The following ZNF512B variants were observed in gnomAD, a reference collection of about 807,000 sequenced individuals.
ZNF512B encodes the protein zinc finger protein 512B.
In ZNF512B, 22 loss-of-function variants were observed where a neutral mutation model predicts 87.8. The observed-to-expected ratio is 0.25, with a 90% CI of 0.18 to 0.36. The LOEUF is 0.36. Among genes scored for constraint, ZNF512B ranks in the 10% least tolerant of loss-of-function variants. The pLI is 1.00. For synonymous variants in ZNF512B, 524 were observed against 490.9 expected, an observed-to-expected ratio of 1.07 and a Z score of -0.89; for missense variants, 1,060 against 1,231.6, an observed-to-expected ratio of 0.86 and a Z score of 2.09.
Position 63,958,020 on chromosome 20 carries a change from G to A in ZNF512B, c.*1868C>T, listed in dbSNP as rs2058793404. On this transcript the variant is annotated 3_prime_UTR_variant, in exon 17 of 17. Transcript: ENST00000369888. The stretch of plus-strand genomic sequence containing the variant: ...CTCTCATCAGGCCGAGGTGTGCGTG[G>A]GTGGGGGGAGTCCGGGTCTCCACAC... 2.0e-5 allele frequency: 3 copies of A among 152,230 alleles called. No homozygotes were observed. In the South Asian group the frequency reaches 6.2e-4, roughly 32 times the overall value. The allele number at this position is 152,230 out of a possible 1,614,324, so 9.4% of individuals were successfully genotyped here. A position where few individuals can be genotyped will look rare whatever the true frequency, so the allele number is the denominator to read the frequency against.
intron 2 of ZNF512B, 121 bp from the exon 3 acceptor site, chr20:63,967,644 G>A: frequency 6.7e-7 from 1 of 1,482,996 alleles, no homozygotes; most frequent in Non-Finnish European, 9.0e-7. Flanking sequence ...AGGGGCTGCG[G>A]CCAGCTGAGG....
intron 12 of ZNF512B, 109 bp from the exon 13 acceptor site, chr20:63,962,890 G>A: frequency 7.6e-7 from 1 of 1,307,752 alleles, no homozygotes; most frequent in Non-Finnish European, 1.0e-6. Context: ...CTCCCAGTGT[G>A]CTGGGGACAT....
rs571720484 is a variant in ZNF512B, at chr20:63,964,507, G to A, written c.1244C>T (p.Pro415Leu). The A allele has an allele frequency of 8.1e-6, 13 of 1,612,792 alleles. No individual in the cohort carries two copies. The highest frequency in any genetic ancestry group is 3.3e-5 in the Admixed American group (2 of 60,010). Residue 415 changes from proline to leucine, a missense_variant, in exon 6 of 17, where the codon CCG becomes CTG. Physicochemically the swap from Pro to Leu is moderately conservative, Grantham distance 98. This residue lies in a region of ZNF512B where 212 missense variants were observed against 207.6 expected (regional missense o/e 1.02). Transcript: ENST00000369888. ...CATCTTACTGTGCTTTGTGCGCTCC[G>A]GGTCCTCCTCAGGCGGGGACGCAGG... ...AGPASPPEED[P>L]ERTKHRRKQK...
intron 9 of ZNF512B, 23 bp downstream of exon 9, chr20:63,963,766 G>GCGCCTTC (rs752785418): frequency 5.0e-6 from 8 of 1,613,074 alleles, no homozygotes; most frequent in Non-Finnish European, 5.9e-6. Context: ...CTCCCTCCCA[G>GCGCCTTC]CGCCTTCCGG....
chr20:63,966,800 G>A lies in ZNF512B; in HGVS notation c.394-19C>T. 6.2e-7 allele frequency: 1 copy of A among 1,603,064 alleles called. No homozygotes were observed. Among genetic ancestry groups the A allele is most frequent in the Non-Finnish European group, 8.5e-7 (1 of 1,174,514 alleles). The stretch of plus-strand genomic sequence containing the variant: ...TGGCACCCTGGGCAGGGAAGGGAAG[G>A]TTTGGGACAGGGCCCCAAGGGCCTC... On this transcript the variant is annotated intron_variant, in intron 4 of 16. Transcript: ENST00000369888.
At position 63,967,476 on chromosome 20, in the gene ZNF512B, G is replaced by C; in HGVS notation, c.169C>G (p.Leu57Val). 6.2e-7 allele frequency: 1 copy of C among 1,612,516 alleles called. No individual in the cohort carries two copies. Among genetic ancestry groups the C allele is most frequent in the Non-Finnish European group, 8.5e-7 (1 of 1,179,372 alleles). ...GGQTVPGQAP[L>V]CFDPGSPASD... is the part of the protein sequence containing the mutation. Reference sequence around the variant, plus strand: ...GCTGGACTTCCCGGGTCAAAGCAGAGAGGGGCCTGGCCGGGCACTGTCTGT... The same window carrying C: ...GCTGGACTTCCCGGGTCAAAGCAGACAGGGGCCTGGCCGGGCACTGTCTGT... Residue 57 changes from leucine (L) to valine (V), a missense_variant, in exon 3 of 17, where the codon CTC (leucine) becomes GTC (valine). Leu to Val is a conservative substitution (Grantham distance 32). Transcript: ENST00000369888.
intron 10 of ZNF512B, 37 bp from the exon 11 acceptor site, chr20:63,963,477 C>T (rs760506883): frequency 9.7e-6 from 15 of 1,544,878 alleles, no homozygotes; most frequent in African/African-American, 2.7e-5. Flanking sequence ...CCGGCACCAT[C>T]GCCACGGAGC....
rs914354114 is a variant in ZNF512B, at chr20:63,958,117, AG to A, written c.*1770del. 7 of 152,152 alleles carry A rather than the reference AG, an allele frequency of 4.6e-5. No homozygotes were observed. The highest frequency in any genetic ancestry group is 1.7e-4 in the African/African-American group (7 of 41,374). 9.4% of individuals were successfully genotyped at this position (152,152 alleles called of 1,614,324 possible). The stretch of plus-strand genomic sequence containing the variant: ...CTGGCCCAAGGATGAAGCCAGAGAC[AG>A]GAAGTGTTCTGCAACCCCAGTCCCC... On this transcript the variant is annotated 3_prime_UTR_variant, in exon 17 of 17. Coordinates refer to ENST00000369888, the MANE Select transcript of ZNF512B (RefSeq NM_020713.3).
chr20:63,961,846 G>T lies in ZNF512B; in HGVS notation c.2328+96C>A. The T allele has an allele frequency of 7.7e-7, 1 of 1,295,348 alleles. No individual in the cohort carries two copies. Among genetic ancestry groups the T allele is most frequent in the Non-Finnish European group, 1.1e-6 (1 of 920,660 alleles). 80.2% of individuals were successfully genotyped at this position (1,295,348 alleles called of 1,614,324 possible). A position where few individuals can be genotyped will look rare whatever the true frequency, so the allele number is the denominator to read the frequency against. On this transcript the variant is annotated intron_variant, in intron 15 of 16. Transcript: ENST00000369888. This position sits in a 1 kb window ranked among gnomAD's most constrained non-coding sequence, Gnocchi z 6.4. ...CCACGTAGAAAAAGTAGGGGACAAG[G>T]CAGGGTCCCTCACTACTGTGTGGGA...
Position 63,964,163 on chromosome 20 carries a change from C to T in ZNF512B, c.1388G>A (p.Gly463Glu), listed in dbSNP as rs771430268. 3.1e-6 allele frequency: 5 copies of T among 1,601,500 alleles called. No individual in the cohort carries two copies. In the South Asian group the frequency reaches 4.5e-5, roughly 14 times the overall value. ...CTTCCGGGCGTCCTCAGGGCCTGGC[C>T]CCTCCTGCTTCTTGGAGCGGTGAAC... Reference protein sequence around the residue: ...ARVHRSKKQEGPGPEDARKKV... With the variant: ...ARVHRSKKQEEPGPEDARKKV... Residue 463 changes from glycine (G) to glutamate (E), a missense_variant, in exon 8 of 17, where the codon GGG becomes GAG. Transcript: ENST00000369888.
rs1043209985 is a variant in ZNF512B, at chr20:63,957,702, A to G, written c.*2186T>C. ...AACCAGACCCTCTTCTCTTCTCCCC[A>G]AGGGCCAAGTACCTGAGAGGCTGGG... is the stretch of plus-strand genomic sequence containing the variant. On this transcript the variant is annotated 3_prime_UTR_variant, in exon 17 of 17. Transcript: ENST00000369888. The G allele has an allele frequency of 6.6e-6, 1 of 152,542 alleles. No homozygotes were observed. The highest frequency in any genetic ancestry group is 2.4e-5 in the African/African-American group (1 of 41,402). The allele number at this position is 152,542 out of a possible 1,614,324, so 9.4% of individuals were successfully genotyped here.
chr20:63,963,013 A>T, intron 12 of ZNF512B, 82 bp downstream of exon 12: 1 of 1,448,494 alleles, frequency 6.9e-7, no homozygotes, highest in Non-Finnish European at 9.1e-7. Flanking sequence ...TACATGGACA[A>T]ATACAGTTGG....
chr20:63,966,448 T>C lies in ZNF512B; in HGVS notation c.727A>G (p.Ser243Gly), dbSNP rs759739119. 2 of 1,613,914 alleles carry C rather than the reference T, an allele frequency of 1.2e-6. No homozygotes were observed. Among genetic ancestry groups the C allele is most frequent in the East Asian group, 4.5e-5 (2 of 44,894 alleles). The change falls in exon 5 of 17, where the codon AGC (serine) becomes GGC (glycine). Residue 243 changes from serine (S) to glycine (G), a missense_variant. By Grantham distance (56) the Ser-to-Gly change is moderately conservative (BLOSUM62 0). This residue lies in a region of ZNF512B where 201 missense variants were observed against 226.8 expected (regional missense o/e 0.89). Transcript: ENST00000369888. Reference protein sequence around the residue: ...PVPVTKPVTVSRPMPVTKAMP... With the variant: ...PVPVTKPVTVGRPMPVTKAMP... The stretch of plus-strand genomic sequence containing the variant: ...GCCTTGGTGACGGGCATGGGCCTGC[T>C]GACTGTGACAGGTTTGGTGACTGGC...
Position 63,963,837 on chromosome 20 carries a change from G to A in ZNF512B, c.1557C>T (p.Thr519=), listed in dbSNP as rs2058887539. The change falls in exon 9 of 17, where the codon ACC becomes ACT. Residue 519 remains threonine (T), a synonymous_variant. Coordinates refer to ENST00000369888, the MANE Select transcript of ZNF512B (RefSeq NM_020713.3). ...EAVCPTCNVV[T]RKTLVGLKKH... is the part of the protein sequence containing the mutation. ...TCTTAAGCCCCACGAGAGTCTTCCG[G>A]GTGACCACGTTGCAGGTGGGGCAGA... is the stretch of plus-strand genomic sequence containing the variant. 13 of 1,612,736 alleles carry A rather than the reference G, an allele frequency of 8.1e-6. No individual in the cohort carries two copies. Among genetic ancestry groups the A allele is most frequent in the Non-Finnish European group, 1.1e-5 (13 of 1,180,018 alleles).
In ZNF512B at chr20:63,963,236, C is replaced by T; in HGVS notation, c.1827G>A (p.Met609Ile). 1 of 1,548,136 alleles carries T rather than the reference C, an allele frequency of 6.5e-7. No individual in the cohort carries two copies. The change falls in exon 12 of 17, where the codon ATG (methionine) becomes ATA (isoleucine). Residue 609 changes from methionine (M) to isoleucine (I), a missense_variant. Around this residue, in one of 9 missense-constraint regions of ZNF512B, gnomAD observed 165 missense variants for 173.0 expected, o/e 0.95. Transcript: ENST00000369888. The stretch of plus-strand genomic sequence containing the variant: ...AGCGCCGCTGGTGGTACTGGTAGCC[C>T]ATGAGGCTGGAGAAGGCAGCCCCGC... The part of the protein sequence containing the change: ...EGCGAAFSSL[M>I]GYQYHQRRCG...
intron 3 of ZNF512B, 61 bp downstream of exon 3, chr20:63,967,320 G>C (rs1173284214): frequency 2.0e-6 from 3 of 1,535,880 alleles, no homozygotes; most frequent in Admixed American, 4.0e-5. Context: ...AATCAGGGCA[G>C]GGCAGTGGCT....
Position 63,966,129 on chromosome 20 carries a change from G to A in ZNF512B, c.1034+12C>T, listed in dbSNP as rs373982925. Reference sequence around the variant, plus strand: ...CCACTGTTCCTCCCCGACCTGGGACGAGCCCCCATACCTTTTCTTACCACT... The same window carrying A: ...CCACTGTTCCTCCCCGACCTGGGACAAGCCCCCATACCTTTTCTTACCACT... On this transcript the variant is annotated intron_variant, in intron 5 of 16. Transcript: ENST00000369888. The A allele has an allele frequency of 1.2e-4, 186 of 1,579,192 alleles. 4 individuals are homozygous for A. The highest frequency in any genetic ancestry group is 4.1e-4 in the Admixed American group (24 of 58,842).
In ZNF512B at chr20:63,966,878, C is replaced by A; in HGVS notation, c.391G>T (p.Gly131Trp). 1 of 1,613,836 alleles carries A rather than the reference C, an allele frequency of 6.2e-7. No individual in the cohort carries two copies. The highest frequency in any genetic ancestry group is 8.5e-7 in the Non-Finnish European group (1 of 1,180,024). ...GLKYHYQRCQ[G>W]GAISDRLAFP... is the part of the protein sequence containing the mutation. Reference sequence around the variant, plus strand: ...TCCCCCGACCCACAGTCCCTTACCCCTTGGCACCGCTGGTAATGGTACTTG... The same window carrying A: ...TCCCCCGACCCACAGTCCCTTACCCATTGGCACCGCTGGTAATGGTACTTG... The change falls in exon 4 of 17, where the codon GGG becomes TGG. Residue 131 changes from glycine to tryptophan, a missense_variant and splice_region_variant. By Grantham distance (184) the Gly-to-Trp change is radical. Around this residue, in one of 9 missense-constraint regions of ZNF512B, gnomAD observed 32 missense variants for 68.0 expected, o/e 0.47. Coordinates refer to ENST00000369888, the MANE Select transcript of ZNF512B (RefSeq NM_020713.3).
rs2058717073 is a variant in ZNF512B at position 63,956,769 on chromosome 20, C to G, written c.*3119G>C. On this transcript the variant is annotated 3_prime_UTR_variant, in exon 17 of 17. Coordinates refer to ENST00000369888, the MANE Select transcript of ZNF512B (RefSeq NM_020713.3). ...TAATACATACAGTGATGGCCCGTCC[C>G]CACGCCACTCGGGACCAGGGCGCGG... 6.5e-6 allele frequency: 1 copy of G among 154,676 alleles called. No individual in the cohort carries two copies. The highest frequency in any genetic ancestry group is 1.4e-5 in the Non-Finnish European group (1 of 69,592). The allele number at this position is 154,676 out of a possible 1,614,324, so 9.6% of individuals were successfully genotyped here.
Sources: gnomAD v4.1 joint callset for allele counts on GRCh38, gnomAD v4.1.1 for gene constraint, gnomAD v4.1.1 regional missense constraint, Gnocchi (gnomAD v3.1) non-coding constraint, MANE v1.5 for transcripts, NCBI Gene and HGNC (gene_info 2026-07-23, HGNC 2026-07-21) for gene names.